Variants in DST observed in about 807,000 individuals in gnomAD.
The protein encoded by DST is bullous pemphigoid antigen.
A neutral mutation model predicts 875.2 loss-of-function variants in DST; 253 were observed. That is an observed-to-expected ratio of 0.29 (90% CI 0.26 to 0.32). The LOEUF (loss-of-function observed/expected upper bound fraction) is 0.32, where lower values mean the gene tolerates loss of function less well. DST is among the 10% of genes least tolerant of loss of function. The pLI, the probability that DST is intolerant of heterozygous loss-of-function variation, is 1.00. For missense variants in DST, 8,287 were observed against 9,111.6 expected (o/e 0.91, Z 3.68); for synonymous variants, 3,124 against 3,197.1 (o/e 0.98, Z 0.77).
chr6:56,460,334 T>C, intron 102 of DST, 80 bp from the exon 103 acceptor site: 3 of 1,512,184 alleles, frequency 2.0e-6, no homozygotes, highest in Non-Finnish European at 2.7e-6. Context: ...TCTTTACATA[T>C]GGGTGGAAAC....
At chr6:56,473,471 C>T (rs2095001155) in intron 93 of DST, among the ~76,000 whole-genome samples, 3 of 152,114 alleles carry the variant, frequency 2.0e-5, no homozygotes, top group African/African-American at 7.2e-5. Flanking sequence ...TATGAGATTG[C>T]TGGTCACCAA....
chr6:56,550,184 CT>C (rs1219414957), intron 61 of DST, among the ~76,000 whole-genome samples: 4 of 152,032 alleles, frequency 2.6e-5, no homozygotes, highest in African/African-American at 4.8e-5. Context: ...TATTCTTGTC[CT>C]TTTTTTACCT....
chr6:56,756,890 G>A (rs941814957), intron 4 of DST, among the ~76,000 whole-genome samples: 4 of 152,182 alleles, frequency 2.6e-5, no homozygotes, highest in African/African-American at 9.6e-5. Flanking sequence ...GGGCAGAAAA[G>A]TTGGTTTTAT....
intron 32 of DST, 73 bp downstream of exon 32, chr6:56,629,177 T>G: frequency 1.4e-6 from 2 of 1,431,636 alleles, no homozygotes; most frequent in Non-Finnish European, 2.0e-6. Flanking sequence ...TAGCCTCATA[T>G]GTGTAGATTT....
chr6:56,740,244 C>G (rs1160140125), intron 4 of DST, among the ~76,000 whole-genome samples: 1 of 152,112 alleles, frequency 6.6e-6, no homozygotes, highest in East Asian at 1.9e-4. Context: ...ATCCAAGAAC[C>G]CTCTCTTGGG....
chr6:56,649,184 G>C (rs1303651373), intron 12 of DST, among the ~76,000 whole-genome samples: 2 of 152,168 alleles, frequency 1.3e-5, no homozygotes, highest in Admixed American at 1.3e-4. Flanking sequence ...TATATGGTGG[G>C]ATTATCCAAG....
chr6:56,784,116 C>A (rs979602783), intron 4 of DST, among the ~76,000 whole-genome samples: 1 of 152,166 alleles, frequency 6.6e-6, no homozygotes, highest in Non-Finnish European at 1.5e-5. Context: ...ATGAGCTTCC[C>A]TTTGTGGGTA....
chr6:56,902,476 C>A (rs1794567444), intron 2 of DST, among the ~76,000 whole-genome samples: 2 of 152,188 alleles, frequency 1.3e-5, no homozygotes, highest in Non-Finnish European at 2.9e-5. Context: ...TATGGAGAGC[C>A]TGTACACCAG....
intron 48 of DST, among the ~76,000 whole-genome samples, chr6:56,592,879 AT>A (rs761390138): frequency 0.011 from 1,656 of 149,350 alleles, 10 homozygotes; most frequent in African/African-American, 0.015. Flanking sequence ...ATTTTCTTAG[AT>A]TTTTTTTTTT....
chr6:56,821,619 T>A (rs956616091), intron 4 of DST, among the ~76,000 whole-genome samples: 1 of 152,210 alleles, frequency 6.6e-6, no homozygotes, highest in Admixed American at 6.5e-5. Flanking sequence ...AATTATACAA[T>A]CTTGGCATTA....
At chr6:56,723,203 C>T (rs926993803) in intron 5 of DST, among the ~76,000 whole-genome samples, 1 of 152,108 alleles carries the variant, frequency 6.6e-6, no homozygotes, top group Non-Finnish European at 1.5e-5. Flanking sequence ...AAAGAAATAG[C>T]TCAGTTATAA....
intron 10 of DST, among the ~76,000 whole-genome samples, chr6:56,654,869 C>G (rs2098997620): frequency 6.6e-6 from 1 of 151,912 alleles, no homozygotes; most frequent in Non-Finnish European, 1.5e-5. Context: ...ATATAAATGG[C>G]TAAAGATCAG....
chr6:56,845,994 A>G (rs1562152845), intron 4 of DST, among the ~76,000 whole-genome samples: 1 of 152,232 alleles, frequency 6.6e-6, no homozygotes, highest in Admixed American at 6.5e-5. Flanking sequence ...TGGAGTAAAG[A>G]CTGCCTGAAT....
chr6:56,608,103 A>C lies in DST; in HGVS notation c.6525T>G (p.Asp2175Glu). ...CAAAAACATCCTCTTCTTGTCTGTA[A>C]TCATGAACTGTGGAGGGTTGAAATT... ...FCKFQPSTVH[D>E]YRQEEDVFDG... Residue 2175 changes from aspartate to glutamate, a missense_variant, in exon 40 of 104, where the codon GAT becomes GAG. By Grantham distance (45) the Asp-to-Glu change is conservative. Coordinates refer to ENST00000680361, the MANE Select transcript of DST (RefSeq NM_001374736.1). 1 of 1,613,726 alleles carries C rather than the reference A, an allele frequency of 6.2e-7. No individual in the cohort carries two copies. Among genetic ancestry groups the C allele is most frequent in the Non-Finnish European group, 8.5e-7 (1 of 1,179,758 alleles).
rs1245585510 is a variant in DST, at chr6:56,614,779, G to GAAGATCTTTGAATTGC, written c.4930-311_4930-296dup. 5.8e-6 allele frequency: 6 copies of GAAGATCTTTGAATTGC among 1,028,786 alleles called. No homozygotes were observed. In the African/African-American group the frequency reaches 1.0e-4, roughly 17 times the overall value. The allele number at this position is 1,028,786 out of a possible 1,614,324, so 63.7% of individuals were successfully genotyped here. A position where few individuals can be genotyped will look rare whatever the true frequency, so the allele number is the denominator to read the frequency against. ...TCTCAACTTTATTCATGAGGCACTA[G>GAAGATCTTTGAATTGC]AAGATCTTTGAATTGCTGCCTTTGC... On this transcript the variant is annotated intron_variant, in intron 36 of 103. Coordinates refer to ENST00000680361, the MANE Select transcript of DST (RefSeq NM_001374736.1).
chr6:56,643,692 T>A (rs986154298), intron 15 of DST, among the ~76,000 whole-genome samples: 1 of 152,194 alleles, frequency 6.6e-6, no homozygotes, highest in African/African-American at 2.4e-5. Flanking sequence ...CTACCTCCAA[T>A]AATACTGTTA....
At chr6:56,915,428 G>A (rs1262665395) in intron 2 of DST, among the ~76,000 whole-genome samples, 1 of 152,060 alleles carries the variant, frequency 6.6e-6, no homozygotes, top group Non-Finnish European at 1.5e-5. Context: ...ATCATAAGAA[G>A]ACAGCCTAGA....
chr6:56,482,358 A>G (rs2095430303), intron 89 of DST, 180 bp from the exon 90 acceptor site: 1 of 739,274 alleles, frequency 1.4e-6, no homozygotes, highest in Non-Finnish European at 1.9e-6. Context: ...AAAACACTTA[A>G]TATATTAAAA....
chr6:56,597,250 A>G (rs1371244210), intron 47 of DST, among the ~76,000 whole-genome samples: 1 of 151,952 alleles, frequency 6.6e-6, no homozygotes, highest in African/African-American at 2.4e-5. Context: ...AAAAAAAAAA[A>G]AAAGATTGTT....
Sources: gnomAD v4.1 joint callset for allele counts (sites outside exome capture counted in the v4.1 genomes callset) on GRCh38, gnomAD v4.1.1 for gene constraint, MANE v1.5 for transcripts, NCBI Gene and HGNC (gene_info 2026-07-23, HGNC 2026-07-21) for gene names.